The following DLG5 variants were observed in gnomAD, a reference collection of about 807,000 sequenced individuals.
DLG5 encodes discs large MAGUK scaffold protein 5, also known as disks large homolog 5.
In DLG5, 48 loss-of-function variants were observed where a neutral mutation model predicts 189.8. That is an observed-to-expected ratio of 0.25 (90% CI 0.20 to 0.32). The LOEUF (loss-of-function observed/expected upper bound fraction) is 0.32, where lower values mean the gene tolerates loss of function less well. Ranked by LOEUF, DLG5 falls within the 10% of genes least tolerant of loss-of-function variation. The pLI, the probability that DLG5 is intolerant of heterozygous loss-of-function variation, is 1.00. For missense variants in DLG5, 2,160 were observed against 2,544.7 expected, an observed-to-expected ratio of 0.85 and a Z score of 3.25; for synonymous variants, 1,016 against 1,054.1, an observed-to-expected ratio of 0.96 and a Z score of 0.70.
At chr10:77,805,554 G>A (rs1307925946) in intron 27 of DLG5, 111 bp downstream of exon 27, 7 of 1,262,886 alleles carry the variant, frequency 5.5e-6, no homozygotes, top group Middle Eastern at 2.9e-4. Context: ...TCAGACTTGC[G>A]CACAAAAGCA....
chr10:77,806,702 C>G, intron 26 of DLG5, 56 bp downstream of exon 26: 1 of 1,483,106 alleles, frequency 6.7e-7, no homozygotes, highest in Non-Finnish European at 9.3e-7. Context: ...AGCTCCATGG[C>G]TGGTGGCCCT....
chr10:77,926,239 C>G lies in DLG5; in HGVS notation c.282G>C (p.Pro94=). The G allele has an allele frequency of 6.6e-7, 1 of 1,512,652 alleles. No individual in the cohort carries two copies. The highest frequency in any genetic ancestry group is 8.9e-7 in the Non-Finnish European group (1 of 1,129,298). The allele number at this position is 1,512,652 out of a possible 1,614,324, so 93.7% of individuals were successfully genotyped here. ...PILYLNGVVG[P]PQPAEGAGST... ...CACCCGCGCCTTCGGCGGGCTGCGGCGGCCCGACGACGCCGTTCAGGTAGA... is the reference window on the plus strand; with the variant it reads ...CACCCGCGCCTTCGGCGGGCTGCGGGGGCCCGACGACGCCGTTCAGGTAGA... Residue 94 remains proline, a synonymous_variant, in exon 1 of 32, where the codon CCG becomes CCC. Transcript: ENST00000372391. This position sits in a 1 kb window ranked among gnomAD's most constrained non-coding sequence, Gnocchi z 5.2.
chr10:77,817,108 T>C lies in DLG5; in HGVS notation c.3785-12A>G, dbSNP rs775618968. ...GTTACTCGAAGAACCTATTGTTCCATAAGGGAACAAAACTTCAGGCCTCAT... is the reference window on the plus strand; with the variant it reads ...GTTACTCGAAGAACCTATTGTTCCACAAGGGAACAAAACTTCAGGCCTCAT... On this transcript the variant is annotated splice_polypyrimidine_tract_variant and intron_variant, in intron 18 of 31. Coordinates refer to ENST00000372391, the MANE Select transcript of DLG5 (RefSeq NM_004747.4). 1.2e-6 allele frequency: 2 copies of C among 1,613,974 alleles called. No individual in the cohort carries two copies. The highest frequency in any genetic ancestry group is 1.1e-5 in the South Asian group (1 of 91,076).
intron 1 of DLG5, among the ~76,000 whole-genome samples, chr10:77,914,298 A>G (rs1161921236): frequency 7.2e-5 from 11 of 152,170 alleles, no homozygotes; most frequent in Non-Finnish European, 1.6e-4. Context: ...ATGCCCTGGG[A>G]TGCCTCCTGA....
At chr10:77,867,959 A>G in intron 2 of DLG5, 1 of 456,738 alleles carries the variant, frequency 2.2e-6, no homozygotes, top group South Asian at 1.5e-5. Flanking sequence ...GACGGAGAAC[A>G]TCATGTGAAC....
Position 77,821,312 on chromosome 10 carries a change from C to A in DLG5, c.3172G>T (p.Gly1058Trp), listed in dbSNP as rs200325993. The A allele has an allele frequency of 6.2e-7, 1 of 1,613,374 alleles. No homozygotes were observed. Among genetic ancestry groups the A allele is most frequent in the South Asian group, 1.1e-5 (1 of 91,084 alleles). ...GGGGGTGATGCGTGCATGGGCTCCC[C>A]GGGGTCCACGTCAGGGGGCAGGGCG... ...PSALPPDVDP[G>W]EPMHASPPRK... Residue 1058 changes from glycine to tryptophan, a missense_variant, in exon 15 of 32, where the codon GGG becomes TGG. Around this residue, in one of 5 missense-constraint regions of DLG5, gnomAD observed 754 missense variants for 746.5 expected, o/e 1.01. Transcript: ENST00000372391.
chr10:77,834,334 C>T (rs1233439747), intron 8 of DLG5, among the ~76,000 whole-genome samples: 1 of 152,072 alleles, frequency 6.6e-6, no homozygotes, highest in Non-Finnish European at 1.5e-5. Flanking sequence ...GGTTAAGGAC[C>T]ACCCTCTGCA....
chr10:77,913,087 T>A (rs980464105), intron 1 of DLG5, among the ~76,000 whole-genome samples: 2 of 152,100 alleles, frequency 1.3e-5, no homozygotes, highest in East Asian at 3.8e-4. Context: ...CTAAAAAAAA[T>A]AAAAATAAAA....
chr10:77,939,510 T>G, the DLG5 span, among the ~76,000 whole-genome samples: 1 of 152,294 alleles, frequency 6.6e-6, no homozygotes, highest in East Asian at 1.9e-4. Flanking sequence ...TGTTCCTCCT[T>G]TTCTCCATGT....
At chr10:77,792,568 T>A (rs1372614861) in intron 31 of DLG5, 25 bp from the exon 32 acceptor site, 15 of 1,610,018 alleles carry the variant, frequency 9.3e-6, no homozygotes, top group African/African-American at 1.3e-5. Flanking sequence ...CCCAGACACG[T>A]CATTCAGCTC....
chr10:77,809,847 G>GT, intron 23 of DLG5, 117 bp from the exon 24 acceptor site: 2 of 1,239,062 alleles, frequency 1.6e-6, no homozygotes, highest in Non-Finnish European at 2.3e-6. Context: ...CAGAACCACA[G>GT]GGAGCTGAGA....
chr10:77,898,776 C>T (rs1845839619), intron 1 of DLG5, among the ~76,000 whole-genome samples: 1 of 152,152 alleles, frequency 6.6e-6, no homozygotes, highest in South Asian at 2.1e-4. Context: ...GCCAGGCAGG[C>T]GGTAAGGAAG....
chr10:77,806,061 C>T, intron 26 of DLG5, 200 bp from the exon 27 acceptor site: 1 of 530,396 alleles, frequency 1.9e-6, no homozygotes, highest in Non-Finnish European at 3.3e-6. Context: ...AACACCAGCA[C>T]CAGGGCAAGC....
At chr10:77,838,914 G>C (rs1843281882) in intron 7 of DLG5, among the ~76,000 whole-genome samples, 1 of 152,228 alleles carries the variant, frequency 6.6e-6, no homozygotes, top group African/African-American at 2.4e-5. Context: ...CAGAGCTGAT[G>C]GGGCAGCCGC....
chr10:77,849,748 G>A (rs1044241179), intron 5 of DLG5, among the ~76,000 whole-genome samples: 2 of 152,254 alleles, frequency 1.3e-5, no homozygotes, highest in African/African-American at 4.8e-5. Context: ...GGACAGGGGT[G>A]GGAGGGAGAC....
At chr10:77,863,165 C>T (rs1589230304) in intron 2 of DLG5, among the ~76,000 whole-genome samples, 1 of 152,148 alleles carries the variant, frequency 6.6e-6, no homozygotes, top group South Asian at 2.1e-4. Context: ...AATCAAGGCT[C>T]ACTACAACCT....
chr10:77,879,380 C>A (rs1331595607), intron 1 of DLG5, among the ~76,000 whole-genome samples: 1 of 152,196 alleles, frequency 6.6e-6, no homozygotes, highest in East Asian at 2.0e-4. Context: ...ATGGGCCACA[C>A]AGAGGATGCA....
chr10:77,919,901 C>G (rs1032916584), intron 1 of DLG5, among the ~76,000 whole-genome samples: 1 of 152,174 alleles, frequency 6.6e-6, no homozygotes, highest in African/African-American at 2.4e-5. Flanking sequence ...ATGAGGTCAC[C>G]ACTTAGGAAT....
chr10:77,894,947 C>T (rs917112508), intron 1 of DLG5, among the ~76,000 whole-genome samples: 1 of 152,218 alleles, frequency 6.6e-6, no homozygotes, highest in Non-Finnish European at 1.5e-5. Flanking sequence ...TCTTGAGGGG[C>T]AGGGCCACCT....
Sources: gnomAD v4.1 joint callset for allele counts (sites outside exome capture counted in the v4.1 genomes callset) on GRCh38, gnomAD v4.1.1 for gene constraint, gnomAD v4.1.1 regional missense constraint, Gnocchi (gnomAD v3.1) non-coding constraint, MANE v1.5 for transcripts, NCBI Gene and HGNC (gene_info 2026-07-23, HGNC 2026-07-21) for gene names.